Variants in ABI3BP observed in about 807,000 individuals in gnomAD.
ABI3BP encodes the protein target of Nesh-SH3.
In ABI3BP, 216 loss-of-function variants were observed where a neutral mutation model predicts 268.6. The observed-to-expected ratio is 0.80, with a 90% CI of 0.72 to 0.90. The LOEUF (loss-of-function observed/expected upper bound fraction) is 0.90, where lower values mean the gene tolerates loss of function less well. ABI3BP is among the 40% of genes least tolerant of loss of function. The pLI, the probability that ABI3BP is intolerant of heterozygous loss-of-function variation, is 0.00. For synonymous variants in ABI3BP, 730 were observed against 730.0 expected (o/e 1.00, Z 0.00); for missense variants, 2,090 against 2,182.4 (o/e 0.96, Z 0.84).
intron 45 of ABI3BP, 48 bp downstream of exon 45, chr3:100,813,613 C>T: frequency 7.4e-7 from 1 of 1,358,758 alleles, no homozygotes; most frequent in South Asian, 1.3e-5. Context: ...TTACAGTATG[C>T]CTCTTAAAGC....
At chr3:100,765,080 T>C (rs985516769) in intron 63 of ABI3BP, among the ~76,000 whole-genome samples, 2 of 145,860 alleles carry the variant, frequency 1.4e-5, no homozygotes, top group Admixed American at 7.0e-5. Context: ...TTCAATTCAA[T>C]CAATTGATGA....
intron 56 of ABI3BP, among the ~76,000 whole-genome samples, chr3:100,788,759 T>C (rs921535936): frequency 6.6e-6 from 1 of 152,056 alleles, no homozygotes; most frequent in African/African-American, 2.4e-5. Context: ...TAAAGATGCA[T>C]TCCCCGAGAA....
chr3:100,857,234 T>C (rs1449235840), intron 14 of ABI3BP, among the ~76,000 whole-genome samples: 1 of 152,208 alleles, frequency 6.6e-6, no homozygotes, highest in African/African-American at 2.4e-5. Flanking sequence ...ATTGATTATA[T>C]GTAGCAATTC....
At chr3:100,886,797 C>G (rs2153411561) in intron 4 of ABI3BP, among the ~76,000 whole-genome samples, 1 of 151,794 alleles carries the variant, frequency 6.6e-6, no homozygotes, top group East Asian at 1.9e-4. Flanking sequence ...GAACCTAAGA[C>G]TAAGATGTAT....
chr3:100,957,287 T>C (rs2077168033), intron 1 of ABI3BP, among the ~76,000 whole-genome samples: 2 of 152,204 alleles, frequency 1.3e-5, no homozygotes, highest in African/African-American at 4.8e-5. Context: ...GCTACGGATG[T>C]CTCCAGTTTT....
chr3:100,879,340 G>A (rs756887298), intron 6 of ABI3BP, among the ~76,000 whole-genome samples: 3 of 152,166 alleles, frequency 2.0e-5, no homozygotes, highest in Non-Finnish European at 2.9e-5. Context: ...TCAGGCTGTG[G>A]CTGCAGCTGC....
chr3:100,761,293 G>A (rs898819915), intron 63 of ABI3BP, among the ~76,000 whole-genome samples: 1 of 152,136 alleles, frequency 6.6e-6, no homozygotes, highest in African/African-American at 2.4e-5. Context: ...AAATTTGCCT[G>A]TGTTAACATC....
chr3:100,805,259 G>A (rs1045466195), intron 50 of ABI3BP, among the ~76,000 whole-genome samples: 2 of 151,978 alleles, frequency 1.3e-5, no homozygotes, highest in Non-Finnish European at 2.9e-5. Flanking sequence ...AGGTAAAGAC[G>A]GTGAGGTCAG....
chr3:100,981,033 T>G (rs142058493), intron 1 of ABI3BP, among the ~76,000 whole-genome samples: 6 of 152,202 alleles, frequency 3.9e-5, no homozygotes. Context: ...AGGGACATAG[T>G]GATTTATGTT....
chr3:100,926,654 T>C (rs1439543214), intron 1 of ABI3BP, among the ~76,000 whole-genome samples, 173 bp from the exon 2 acceptor site: 2 of 152,150 alleles, frequency 1.3e-5, no homozygotes, highest in African/African-American at 2.4e-5. Flanking sequence ...CTAAATAACA[T>C]AGAGCAGCCT....
At chr3:100,961,116 G>C (rs1244301265) in intron 1 of ABI3BP, among the ~76,000 whole-genome samples, 1 of 152,234 alleles carries the variant, frequency 6.6e-6, no homozygotes, top group African/African-American at 2.4e-5. Context: ...TTTATAAATA[G>C]TAAGGCACAA....
chr3:100,834,375 C>CT (rs2098543547), intron 29 of ABI3BP, among the ~76,000 whole-genome samples: 1 of 152,056 alleles, frequency 6.6e-6, no homozygotes, highest in Non-Finnish European at 1.5e-5. Context: ...AAATGTGTGA[C>CT]AGGTTGAACT....
In ABI3BP at chr3:100,750,265, C is replaced by A; in HGVS notation, c.*230G>T. The A allele has an allele frequency of 2.7e-6, 1 of 364,524 alleles. No individual in the cohort carries two copies. The highest frequency in any genetic ancestry group is 7.7e-5 in the South Asian group (1 of 12,954). 22.6% of individuals were successfully genotyped at this position (364,524 alleles called of 1,614,324 possible). On this transcript the variant is annotated 3_prime_UTR_variant, in exon 68 of 68. Transcript: ENST00000471714. ...ATACCATGAATAGGGAGCCAGCTTC[C>A]CCAAAAATGTTATTCTGTTAACATC...
chr3:100,751,563 G>A lies in ABI3BP; in HGVS notation c.5234C>T (p.Pro1745Leu). ...ATCAGAAAACATACCTTCTTTGATT[G>A]GTAACTGGTCAGAAGTGAGTTGCTG... is the stretch of plus-strand genomic sequence containing the variant. Reference protein sequence around the residue: ...TGQQLTSDQLPIKEGYFRAVR... With the variant: ...TGQQLTSDQLLIKEGYFRAVR... Residue 1745 changes from proline to leucine, a missense_variant, in exon 67 of 68, where the codon CCA becomes CTA. Coordinates refer to ENST00000471714, the MANE Select transcript of ABI3BP (RefSeq NM_001375547.2). The A allele has an allele frequency of 6.3e-7, 1 of 1,589,480 alleles. No homozygotes were observed. The highest frequency in any genetic ancestry group is 1.3e-5 in the African/African-American group (1 of 74,562).
chr3:100,773,409 C>T (rs2096608675), intron 61 of ABI3BP, among the ~76,000 whole-genome samples: 1 of 152,152 alleles, frequency 6.6e-6, no homozygotes, highest in Non-Finnish European at 1.5e-5. Flanking sequence ...TAATCAGATA[C>T]CATTACACAC....
intron 20 of ABI3BP, chr3:100,844,397 T>C: frequency 1.0e-6 from 1 of 985,436 alleles, no homozygotes; most frequent in Non-Finnish European, 1.2e-6. Flanking sequence ...ATGCGCTGAA[T>C]TGTACTTATA....
At chr3:100,894,641 T>C (rs1051836565) in intron 4 of ABI3BP, among the ~76,000 whole-genome samples, 3 of 151,894 alleles carry the variant, frequency 2.0e-5, no homozygotes, top group South Asian at 2.1e-4. Flanking sequence ...CATTCTACGT[T>C]AAGAGTAAGT....
At chr3:100,945,693 GAATAT>G (rs2071824200) in intron 1 of ABI3BP, 3 of 434,436 alleles carry the variant, frequency 6.9e-6, no homozygotes, top group Non-Finnish European at 1.4e-5. Context: ...AGAATTTTAT[GAATAT>G]ATTACATTTT....
intron 49 of ABI3BP, among the ~76,000 whole-genome samples, chr3:100,809,119 G>C (rs1379731233): frequency 6.6e-6 from 1 of 152,024 alleles, no homozygotes; most frequent in Non-Finnish European, 1.5e-5. Flanking sequence ...GGTTTCAGTG[G>C]AATCTTCTTG....
Sources: gnomAD v4.1 joint callset for allele counts (sites outside exome capture counted in the v4.1 genomes callset) on GRCh38, gnomAD v4.1.1 for gene constraint, MANE v1.5 for transcripts, NCBI Gene and HGNC (gene_info 2026-07-23, HGNC 2026-07-21) for gene names.